The following ZNF385D variants were observed in gnomAD, a reference collection of about 807,000 sequenced individuals.
The protein encoded by ZNF385D is zinc finger protein 659.
Under a neutral mutation model 35.8 loss-of-function variants are expected in ZNF385D, and 15 were observed. That is an observed-to-expected ratio of 0.42 (90% CI 0.28 to 0.64). The LOEUF (loss-of-function observed/expected upper bound fraction) is 0.64. Ranked by LOEUF, ZNF385D falls within the 30% of genes least tolerant of loss-of-function variation. ZNF385D has a pLI of 0.23. For synonymous variants in ZNF385D, 212 were observed against 186.8 expected, an observed-to-expected ratio of 1.13 and a Z score of -1.10; for missense variants, 474 against 494.6, an observed-to-expected ratio of 0.96 and a Z score of 0.39.
At chr3:21,948,563 C>T (rs972279911) in intron 3 of ZNF385D, among the ~76,000 whole-genome samples, 3 of 152,012 alleles carry the variant, frequency 2.0e-5, no homozygotes, top group Admixed American at 6.6e-5. Flanking sequence ...TTTGTATATG[C>T]CATTTTCGTT....
At chr3:21,450,184 G>A (rs1702373800) in intron 4 of ZNF385D, among the ~76,000 whole-genome samples, 1 of 152,168 alleles carries the variant, frequency 6.6e-6, no homozygotes, top group Admixed American at 6.5e-5. Context: ...CTCCAGAGGA[G>A]AGGAGGAGAG....
At chr3:22,348,938 T>C (rs1275216584) in intron 2 of ZNF385D, among the ~76,000 whole-genome samples, 4 of 152,226 alleles carry the variant, frequency 2.6e-5, no homozygotes, top group Non-Finnish European at 4.4e-5. Flanking sequence ...TTAAATGGCA[T>C]AATTACATAA....
chr3:21,842,743 T>C (rs191970970), intron 3 of ZNF385D, among the ~76,000 whole-genome samples: 1 of 152,202 alleles, frequency 6.6e-6, no homozygotes, highest in Non-Finnish European at 1.5e-5. Context: ...GGTAGAGAAG[T>C]ACAATACTTT....
chr3:21,717,959 G>C lies in ZNF385D; in HGVS notation c.22+32936C>G, dbSNP rs2125438938. On this transcript the variant is annotated intron_variant, in intron 1 of 7. Transcript: ENST00000281523. ...TCGTCTGCATCAGATTCATCAGGAA[G>C]GCTTCTTAAAACACAGACTGGTGAG... Among the ~76,000 whole-genome samples, 4 of 152,284 alleles carry C rather than the reference G, an allele frequency of 2.6e-5. No individual in the cohort carries two copies. In the South Asian group the frequency reaches 8.3e-4, roughly 32 times the overall value.
At chr3:21,975,145 C>G (rs184224786) in intron 3 of ZNF385D, among the ~76,000 whole-genome samples, 11 of 152,126 alleles carry the variant, frequency 7.2e-5, no homozygotes, top group Admixed American at 3.9e-4. Context: ...ACTGCTCTGC[C>G]AAGATTTGGA....
At chr3:22,279,519 CATATACAT>C (rs1174556129) in intron 2 of ZNF385D, among the ~76,000 whole-genome samples, 1 of 124,392 alleles carries the variant, frequency 8.0e-6, no homozygotes, top group African/African-American at 4.2e-5. Context: ...TATGTATATA[CATATACAT>C]ATGTACATAT....
intron 2 of ZNF385D, among the ~76,000 whole-genome samples, chr3:21,568,256 T>C (rs1378677743): frequency 6.6e-6 from 1 of 152,122 alleles, no homozygotes; most frequent in Non-Finnish European, 1.5e-5. Flanking sequence ...AAAATCTAAA[T>C]AATAACCAGT....
chr3:21,750,816 A>C, intron 1 of ZNF385D, 79 bp downstream of exon 1: 4 of 1,584,374 alleles, frequency 2.5e-6, no homozygotes, highest in Non-Finnish European at 3.5e-6. Context: ...CTTGCTGCTT[A>C]AAGAATTTTT....
intron 3 of ZNF385D, among the ~76,000 whole-genome samples, chr3:21,843,867 T>A (rs911629976): frequency 2.6e-5 from 4 of 151,964 alleles, no homozygotes; most frequent in African/African-American, 9.7e-5. Flanking sequence ...TTTATTCTAA[T>A]CATCAACCAC....
At chr3:21,966,329 T>C (rs1174402372) in intron 3 of ZNF385D, among the ~76,000 whole-genome samples, 5 of 152,194 alleles carry the variant, frequency 3.3e-5, no homozygotes, top group Non-Finnish European at 1.5e-5. Flanking sequence ...TTAAAAAGCA[T>C]GTAGACATTT....
intron 3 of ZNF385D, among the ~76,000 whole-genome samples, chr3:21,917,905 A>C (rs1013753669): frequency 6.6e-6 from 1 of 152,198 alleles, no homozygotes; most frequent in Non-Finnish European, 1.5e-5. Context: ...ACTGCATGCA[A>C]ACTAGGAACT....
At chr3:22,191,521 A>G (rs1696029460) in intron 2 of ZNF385D, among the ~76,000 whole-genome samples, 1 of 151,948 alleles carries the variant, frequency 6.6e-6, no homozygotes, top group Admixed American at 6.6e-5. Flanking sequence ...ATTTTTCCTA[A>G]TGTGATCACT....
chr3:21,848,566 G>T (rs1696165286), intron 3 of ZNF385D, among the ~76,000 whole-genome samples: 1 of 151,796 alleles, frequency 6.6e-6, no homozygotes, highest in Admixed American at 6.6e-5. Flanking sequence ...TAAAATCAAT[G>T]CTACAGAAAT....
intron 3 of ZNF385D, among the ~76,000 whole-genome samples, chr3:21,955,496 A>T (rs541462053): frequency 6.6e-6 from 1 of 152,244 alleles, no homozygotes; most frequent in Admixed American, 6.5e-5. Flanking sequence ...CTTCTGATGC[A>T]TCTTAAGAAA....
intron 3 of ZNF385D, among the ~76,000 whole-genome samples, chr3:22,062,172 G>C (rs1164394522): frequency 5.9e-5 from 9 of 151,876 alleles, no homozygotes; most frequent in Admixed American, 5.2e-4. Flanking sequence ...CAAATAGCTG[G>C]GACTACCCGG....
intron 2 of ZNF385D, among the ~76,000 whole-genome samples, chr3:22,315,048 G>C (rs534494920): frequency 6.6e-6 from 1 of 152,174 alleles, no homozygotes; most frequent in Non-Finnish European, 1.5e-5. Context: ...ATTGAGTAAA[G>C]AATGACTAGA....
At chr3:21,644,742 G>C (rs1034768185) in intron 2 of ZNF385D, among the ~76,000 whole-genome samples, 4 of 152,092 alleles carry the variant, frequency 2.6e-5, no homozygotes, top group African/African-American at 4.8e-5. Flanking sequence ...AGAAAAAAAA[G>C]TAAATTTCCT....
intron 1 of ZNF385D, among the ~76,000 whole-genome samples, chr3:21,747,386 A>T (rs1048082169): frequency 2.0e-5 from 3 of 152,160 alleles, no homozygotes; most frequent in African/African-American, 7.2e-5. Context: ...CTATAAGCTT[A>T]CCACAGTCTC....
intron 3 of ZNF385D, among the ~76,000 whole-genome samples, chr3:21,793,054 T>G (rs1260385422): frequency 2.0e-5 from 3 of 152,192 alleles, no homozygotes; most frequent in Non-Finnish European, 4.4e-5. Flanking sequence ...TCAGAACACA[T>G]AGCCACCATA....
Sources: gnomAD v4.1 joint callset for allele counts (sites outside exome capture counted in the v4.1 genomes callset) on GRCh38, gnomAD v4.1.1 for gene constraint, MANE v1.5 for transcripts, NCBI Gene and HGNC (gene_info 2026-07-23, HGNC 2026-07-21) for gene names.